Variants in LARP1 observed in about 807,000 individuals in gnomAD.
LARP1 encodes la-related protein 1.
In LARP1, 36 loss-of-function variants were observed where a neutral mutation model predicts 122.7. The ratio of observed to expected loss-of-function variants is 0.29; its 90% CI spans 0.22 to 0.39. LARP1 has a LOEUF of 0.39. Ranked by LOEUF, LARP1 falls within the 10% of genes least tolerant of loss-of-function variation. The pLI is 1.00. For synonymous variants in LARP1, 539 were observed against 528.7 expected (o/e 1.02, Z -0.27); for missense variants, 1,040 against 1,403.6 (o/e 0.74, Z 4.14).
rs201846456 is a variant in LARP1, at chr5:154,814,040, C to T, written c.3235C>T (p.Arg1079Trp). Residue 1079 changes from arginine to tryptophan, a missense_variant, in exon 19 of 19, where the codon CGG becomes TGG. Arg to Trp is a moderately radical substitution (Grantham distance 101). Coordinates refer to ENST00000518297, the MANE Select transcript of LARP1 (RefSeq NM_033551.3). ...TACACCACCCACCGGCCAGCCTGTC[C>T]GGGAAGATGCCAAATGGACAAGCCA... is the stretch of plus-strand genomic sequence containing the variant. Reference protein sequence around the residue: ...PPTPPTGQPVREDAKWTSQHS... With the variant: ...PPTPPTGQPVWEDAKWTSQHS... 225 of 1,613,950 alleles carry T rather than the reference C, an allele frequency of 1.4e-4. 1 individual carries two copies. The South Asian group carries it at 1.4e-3, about 10-fold the overall frequency.
intron 8 of LARP1, 138 bp from the exon 9 acceptor site, chr5:154,799,453 A>T (rs1260171160): frequency 2.5e-6 from 2 of 814,882 alleles, no homozygotes; most frequent in Non-Finnish European, 4.0e-6. Flanking sequence ...CAGTCGTGGA[A>T]GATGGTGTCA....
upstream of LARP1, among the ~76,000 whole-genome samples, chr5:154,751,748 A>G (rs914380205): frequency 6.6e-6 from 1 of 152,218 alleles, no homozygotes; most frequent in East Asian, 1.9e-4. Context: ...TTTATTATTT[A>G]TTGTTGTTTA....
chr5:154,813,776 A>G, intron 18 of LARP1, 111 bp from the exon 19 acceptor site: 1 of 873,872 alleles, frequency 1.1e-6, no homozygotes, highest in East Asian at 2.4e-5. Flanking sequence ...GGTTAAACCC[A>G]TTCATTTTCT....
chr5:154,786,198 C>A (rs1344165747), intron 1 of LARP1, among the ~76,000 whole-genome samples: 1 of 152,092 alleles, frequency 6.6e-6, no homozygotes, highest in Non-Finnish European at 1.5e-5. Context: ...GCCCACCACA[C>A]CCGGCTAATT....
chr5:154,769,933 G>C (rs534076432), intron 1 of LARP1, among the ~76,000 whole-genome samples: 11 of 152,194 alleles, frequency 7.2e-5, no homozygotes, highest in Non-Finnish European at 1.5e-4. Context: ...AATGAGTTTA[G>C]AGTTCTCCAA....
Position 154,757,560 on chromosome 5 carries a change from CTGCCGTAGCTGGT to C in LARP1, c.436+1370_436+1382del, listed in dbSNP as rs1324916690. Among the ~76,000 whole-genome samples the C allele has an allele frequency of 2.0e-5, 3 of 152,142 alleles. No individual in the cohort carries two copies. The East Asian group carries it at 5.8e-4, about 30-fold the overall frequency. On this transcript the variant is annotated intron_variant, in intron 1 of 18. Coordinates refer to ENST00000518297, the MANE Select transcript of LARP1 (RefSeq NM_033551.3). ...GCCCTGGTGCTTTTAAAAAACTCACCTGCCGTAGCTGGTTGAGGCTAACTGGTTTAAACCATCA... is the reference window on the plus strand; with the variant it reads ...GCCCTGGTGCTTTTAAAAAACTCACCTGAGGCTAACTGGTTTAAACCATCA...
chr5:154,777,955 A>T (rs540535999), intron 1 of LARP1, among the ~76,000 whole-genome samples: 2 of 152,306 alleles, frequency 1.3e-5, no homozygotes, highest in South Asian at 2.1e-4. Flanking sequence ...TCATGACTAT[A>T]CTTACTGCTG....
Position 154,755,461 on chromosome 5 carries a change from C to T in LARP1, c.-297C>T, listed in dbSNP as rs1400243741. 8 of 811,212 alleles carry T rather than the reference C, an allele frequency of 9.9e-6. No individual in the cohort carries two copies. The highest frequency in any genetic ancestry group is 4.3e-4 in the Middle Eastern group (1 of 2,338). The allele number at this position is 811,212 out of a possible 1,614,324, so 50.3% of individuals were successfully genotyped here. On this transcript the variant is annotated 5_prime_UTR_variant, in exon 1 of 19. Transcript: ENST00000518297. ...GGGAGGGACGGGACTAGAAGCCTGC[C>T]GGGCTCGGGGTGGGGGCGTCTTGCG...
intron 3 of LARP1, among the ~76,000 whole-genome samples, chr5:154,791,318 A>T (rs1757332426): frequency 6.6e-6 from 1 of 151,704 alleles, no homozygotes; most frequent in East Asian, 1.9e-4. Flanking sequence ...GGTTCAAGTG[A>T]TTCTCCCGCC....
chr5:154,704,491 AC>A (rs1457774123), intron 1 of LARP1, among the ~76,000 whole-genome samples: 1 of 151,974 alleles, frequency 6.6e-6, no homozygotes, highest in Non-Finnish European at 1.5e-5. Flanking sequence ...TACTAAAAAT[AC>A]AAAAATTAGC....
chr5:154,727,808 C>T (rs1260180671), intron 1 of LARP1, among the ~76,000 whole-genome samples: 1 of 152,072 alleles, frequency 6.6e-6, no homozygotes, highest in Admixed American at 6.6e-5. Flanking sequence ...GAAATCTTGC[C>T]TGTAATCCCA....
upstream of LARP1, among the ~76,000 whole-genome samples, chr5:154,709,794 CTTAA>C (rs1755129514): frequency 6.6e-6 from 1 of 151,972 alleles, no homozygotes; most frequent in South Asian, 2.1e-4. Flanking sequence ...CCAGATGCAG[CTTAA>C]TTGTCACTTG....
rs376571775 is a variant in LARP1 at position 154,787,385 on chromosome 5, C to G, written c.437-2940C>G. On this transcript the variant is annotated intron_variant, in intron 1 of 18. Coordinates refer to ENST00000518297, the MANE Select transcript of LARP1 (RefSeq NM_033551.3). Reference sequence around the variant, plus strand: ...TTACAGATGCCAGGCCCAGCTGAACCTGTATATTCTGTGTGTGCTTGTGTG... The same window carrying G: ...TTACAGATGCCAGGCCCAGCTGAACGTGTATATTCTGTGTGTGCTTGTGTG... 9.9e-4 allele frequency among the ~76,000 whole-genome samples: 151 copies of G among 152,274 alleles called. 1 individual carries two copies. In the Middle Eastern group the frequency reaches 0.01, roughly 10 times the overall value.
At chr5:154,783,459 G>T (rs1479112379) in intron 1 of LARP1, among the ~76,000 whole-genome samples, 1 of 152,114 alleles carries the variant, frequency 6.6e-6, no homozygotes, top group Non-Finnish European at 1.5e-5. Context: ...GTAGAATGAT[G>T]CCCAGGCATC....
intron 1 of LARP1, among the ~76,000 whole-genome samples, chr5:154,745,644 C>T (rs1040262529): frequency 6.6e-6 from 1 of 152,182 alleles, no homozygotes; most frequent in East Asian, 1.9e-4. Context: ...AATATTGGCT[C>T]ATTTAATCCT....
intron 1 of LARP1, among the ~76,000 whole-genome samples, chr5:154,694,309 T>G (rs1221403126): frequency 6.6e-6 from 1 of 152,210 alleles, no homozygotes; most frequent in Non-Finnish European, 1.5e-5. Flanking sequence ...CAGGCCGAAG[T>G]GCAGTGGTGT....
intron 10 of LARP1, 129 bp downstream of exon 10, chr5:154,800,171 G>C (rs934370760): frequency 1.5e-5 from 13 of 842,974 alleles, no homozygotes; most frequent in Non-Finnish European, 2.3e-5. Context: ...CAGGATCATA[G>C]TGTGAGTTGA....
chr5:154,782,901 C>T (rs1369058755), intron 1 of LARP1, among the ~76,000 whole-genome samples: 1 of 152,176 alleles, frequency 6.6e-6, no homozygotes, highest in African/African-American at 2.4e-5. Context: ...GTCCTGGGGT[C>T]AGTCAGTATG....
intron 1 of LARP1, among the ~76,000 whole-genome samples, chr5:154,703,233 CT>C (rs1484941137): frequency 6.6e-6 from 1 of 151,596 alleles, no homozygotes; most frequent in African/African-American, 2.4e-5. Context: ...AGGAGGCAGA[CT>C]CTTTCTAAGA....
Sources: allele counts gnomAD v4.1 joint callset (sites outside exome capture counted in the v4.1 genomes callset), GRCh38; gene constraint gnomAD v4.1.1; transcripts MANE v1.5; gene names NCBI Gene and HGNC (gene_info 2026-07-23, HGNC 2026-07-21).